The following PKNOX2 variants were observed in gnomAD, a reference collection of about 807,000 sequenced individuals.
PKNOX2 encodes PBX/knotted 1 homeobox 2.
Under a neutral mutation model 53.1 loss-of-function variants are expected in PKNOX2, and 14 were observed. That is an observed-to-expected ratio of 0.26 (90% confidence interval 0.17 to 0.41). The LOEUF is 0.41. PKNOX2 is among the 10% of genes least tolerant of loss of function. The pLI is 1.00. For missense variants in PKNOX2, 496 were observed against 602.8 expected (o/e 0.82, Z 1.85); for synonymous variants, 257 against 242.8 (o/e 1.06, Z -0.54).
intron 1 of PKNOX2, among the ~76,000 whole-genome samples, chr11:125,180,153 G>C (rs551065565): frequency 1.4e-3 from 214 of 152,278 alleles, no homozygotes; most frequent in African/African-American, 5.1e-3. Flanking sequence ...TGGCTTGCTA[G>C]CTTGCTTGCT....
At chr11:125,429,136 T>C (rs1426377197) in intron 11 of PKNOX2, 48 bp downstream of exon 11, 1 of 1,519,166 alleles carries the variant, frequency 6.6e-7, no homozygotes, top group Admixed American at 1.7e-5. Context: ...AGGGGCCACC[T>C]TCTGGGCAGG....
intron 1 of PKNOX2, among the ~76,000 whole-genome samples, chr11:125,203,877 TG>T (rs1938750528): frequency 1.3e-5 from 2 of 152,178 alleles, no homozygotes; most frequent in Non-Finnish European, 2.9e-5. Context: ...GTGTCATCTC[TG>T]GGGGAGTCTT....
intron 2 of PKNOX2, among the ~76,000 whole-genome samples, chr11:125,310,259 G>C (rs747271939): frequency 7.2e-5 from 11 of 152,100 alleles, no homozygotes; most frequent in Non-Finnish European, 1.5e-4. Context: ...CACTTTGGGA[G>C]GCTGAGGCGG....
chr11:125,405,961 G>T (rs3740898), intron 7 of PKNOX2, among the ~76,000 whole-genome samples: 35,880 of 152,104 alleles, frequency 0.24, 4,830 homozygotes, highest in East Asian at 0.57. Context: ...TCATCCCCAG[G>T]TTCCTGGATA....
At chr11:125,221,526 A>G (rs1241835544) in intron 1 of PKNOX2, among the ~76,000 whole-genome samples, 1 of 152,136 alleles carries the variant, frequency 6.6e-6, no homozygotes, top group African/African-American at 2.4e-5. Context: ...CACGCCGTTT[A>G]GTGTTGGAGG....
chr11:125,424,126 C>A (rs978350505), intron 10 of PKNOX2, among the ~76,000 whole-genome samples: 3 of 148,574 alleles, frequency 2.0e-5, no homozygotes, highest in Non-Finnish European at 4.5e-5. Flanking sequence ...TTTGGGGGGA[C>A]AGAAGGGGGT....
intron 1 of PKNOX2, among the ~76,000 whole-genome samples, chr11:125,187,512 A>G (rs1423674553): frequency 1.3e-5 from 2 of 152,214 alleles, no homozygotes; most frequent in East Asian, 1.9e-4. Context: ...CATTGCTGGT[A>G]TATAGAAACA....
chr11:125,345,219 C>T (rs2136175661), intron 3 of PKNOX2, among the ~76,000 whole-genome samples: 1 of 152,268 alleles, frequency 6.6e-6, no homozygotes, highest in Non-Finnish European at 1.5e-5. Flanking sequence ...GGAGCTTGCC[C>T]CTCTTCCCAA....
In PKNOX2 at chr11:125,240,722, G is replaced by T. The variant is rs1052647035; in HGVS notation, c.-130+5607G>T. On this transcript the variant is annotated intron_variant, in intron 2 of 12. Transcript: ENST00000298282. This position sits in a 1 kb window ranked among gnomAD's most constrained non-coding sequence, Gnocchi z 4.3. The stretch of plus-strand genomic sequence containing the variant: ...TTCTCAAATCCTCAGAGGGAGAACC[G>T]GGAGGCTTATAAGAAGGTTCTGAAG... Among the ~76,000 whole-genome samples the T allele has an allele frequency of 1.3e-5, 2 of 152,134 alleles. No homozygotes were observed. Among genetic ancestry groups the T allele is most frequent in the Non-Finnish European group, 2.9e-5 (2 of 68,026 alleles).
At chr11:125,187,775 C>T (rs1956547816) in intron 1 of PKNOX2, among the ~76,000 whole-genome samples, 1 of 152,156 alleles carries the variant, frequency 6.6e-6, no homozygotes, top group Non-Finnish European at 1.5e-5. Flanking sequence ...TTCTGTCTCA[C>T]CACTGAGTGT....
At chr11:125,415,839 A>G (rs1955842139) in intron 10 of PKNOX2, among the ~76,000 whole-genome samples, 1 of 152,220 alleles carries the variant, frequency 6.6e-6, no homozygotes, top group Admixed American at 6.5e-5. Flanking sequence ...ATTAGTTTAA[A>G]AAAGAAACAA....
At chr11:125,313,607 C>T (rs1486982356) in intron 2 of PKNOX2, among the ~76,000 whole-genome samples, 1 of 152,146 alleles carries the variant, frequency 6.6e-6, no homozygotes, top group African/African-American at 2.4e-5. Flanking sequence ...GCACATGTAC[C>T]CAGGAGGCAG....
At chr11:125,273,993 C>T (rs1014317924) in intron 2 of PKNOX2, among the ~76,000 whole-genome samples, 10 of 152,154 alleles carry the variant, frequency 6.6e-5, no homozygotes, top group African/African-American at 1.7e-4. Context: ...GGGCCAAAGA[C>T]GTAGCTTCCT....
intron 3 of PKNOX2, among the ~76,000 whole-genome samples, chr11:125,336,113 A>G (rs1005125715): frequency 1.3e-4 from 20 of 152,216 alleles, no homozygotes; most frequent in African/African-American, 1.4e-4. Context: ...ATAGTTTTCT[A>G]TTATATAGAT....
chr11:125,229,979 G>A (rs1015804203), intron 1 of PKNOX2, among the ~76,000 whole-genome samples: 4 of 152,184 alleles, frequency 2.6e-5, no homozygotes, highest in African/African-American at 7.2e-5. Flanking sequence ...AAATATTAAG[G>A]TTAACCCACC....
chr11:125,188,832 C>T (rs1956609834), intron 1 of PKNOX2, among the ~76,000 whole-genome samples: 1 of 151,780 alleles, frequency 6.6e-6, no homozygotes, highest in Non-Finnish European at 1.5e-5. Flanking sequence ...AGCTAGTGGC[C>T]TGTACATTCC....
At chr11:125,410,617 C>A in intron 8 of PKNOX2, 162 bp from the exon 9 acceptor site, 2 of 662,108 alleles carry the variant, frequency 3.0e-6, no homozygotes, top group Non-Finnish European at 5.3e-6. Context: ...GCTCTAGACA[C>A]CATCCCCCAC....
At chr11:125,220,285 T>C (rs1940985946) in intron 1 of PKNOX2, among the ~76,000 whole-genome samples, 1 of 152,204 alleles carries the variant, frequency 6.6e-6, no homozygotes, top group Non-Finnish European at 1.5e-5. Context: ...CCATGTTCCA[T>C]ATTACCTTTT....
Position 125,370,335 on chromosome 11 carries a change from C to T in PKNOX2, c.227+2350C>T, listed in dbSNP as rs1248237712. ...AAAGCCCTTCTCACAATCCCAGGCTCGTACCCTACCCAGGCCAACCTGCAG... is the reference window on the plus strand; with the variant it reads ...AAAGCCCTTCTCACAATCCCAGGCTTGTACCCTACCCAGGCCAACCTGCAG... On this transcript the variant is annotated intron_variant, in intron 5 of 12. Transcript: ENST00000298282. This position sits in a 1 kb window ranked among gnomAD's most constrained non-coding sequence, Gnocchi z 4.1. Among the ~76,000 whole-genome samples the T allele has an allele frequency of 3.3e-5, 5 of 152,314 alleles. No homozygotes were observed. The highest frequency in any genetic ancestry group is 1.3e-4 in the Admixed American group (2 of 15,306).
Sources: gnomAD v4.1 joint callset for allele counts (sites outside exome capture counted in the v4.1 genomes callset) on GRCh38, gnomAD v4.1.1 for gene constraint, Gnocchi (gnomAD v3.1) non-coding constraint, MANE v1.5 for transcripts, NCBI Gene and HGNC (gene_info 2026-07-23, HGNC 2026-07-21) for gene names.